Variants in HSD17B4 observed in about 807,000 individuals in gnomAD.
HSD17B4 encodes hydroxysteroid 17-beta dehydrogenase 4.
In HSD17B4, 70 loss-of-function variants were observed where a neutral mutation model predicts 101.0. The ratio of observed to expected loss-of-function variants is 0.69; its 90% CI spans 0.57 to 0.85. The LOEUF is 0.85. Among genes scored for constraint, HSD17B4 ranks in the 40% least tolerant of loss-of-function variants. The pLI is 0.00. For missense variants in HSD17B4, 984 were observed against 892.4 expected (o/e 1.10, Z -1.31); for synonymous variants, 347 against 297.1 (o/e 1.17, Z -1.73).
intron 6 of HSD17B4, chr5:119,476,635 A>C (rs1160513933): frequency 1.0e-6 from 1 of 985,076 alleles, no homozygotes; most frequent in Non-Finnish European, 1.2e-6. Flanking sequence ...CCTTGTAACA[A>C]CTGGGGTAAA....
intron 9 of HSD17B4, among the ~76,000 whole-genome samples, chr5:119,490,511 A>G (rs1359984916): frequency 1.3e-5 from 2 of 152,178 alleles, no homozygotes; most frequent in Non-Finnish European, 2.9e-5. Context: ...GAGAACTAGT[A>G]TGAATATTTT....
intron 2 of HSD17B4, among the ~76,000 whole-genome samples, chr5:119,463,480 T>C (rs1210975478): frequency 1.3e-5 from 2 of 151,694 alleles, no homozygotes; most frequent in African/African-American, 2.4e-5. Flanking sequence ...ACCAATAATA[T>C]ATGAGAGTTT....
chr5:119,512,833 A>T (rs567251727), intron 16 of HSD17B4, among the ~76,000 whole-genome samples: 2 of 152,316 alleles, frequency 1.3e-5, no homozygotes, highest in East Asian at 3.9e-4. Context: ...GAGAAAGGAG[A>T]CAAGGGAGAG....
intron 23 of HSD17B4, among the ~76,000 whole-genome samples, chr5:119,537,138 A>T (rs553930361): frequency 1.0e-3 from 159 of 152,252 alleles, no homozygotes; most frequent in Admixed American, 1.5e-3. Flanking sequence ...TAACTTATTG[A>T]TTCTTAGAAT....
At chr5:119,468,616 C>T (rs555949586) in intron 2 of HSD17B4, among the ~76,000 whole-genome samples, 1 of 152,070 alleles carries the variant, frequency 6.6e-6, no homozygotes, top group East Asian at 1.9e-4. Context: ...GGGTTGAATC[C>T]ATTTGAAGAC....
intron 17 of HSD17B4, among the ~76,000 whole-genome samples, chr5:119,521,952 T>A (rs900098709): frequency 6.6e-6 from 1 of 151,812 alleles, no homozygotes; most frequent in African/African-American, 2.4e-5. Context: ...GTATTTTTAT[T>A]ATACTTTAAG....
In HSD17B4 at chr5:119,509,404, T is replaced by TTCC. The variant is rs748470115; in HGVS notation, c.1437+169_1437+171dup. On this transcript the variant is annotated intron_variant, in intron 16 of 23. Coordinates refer to ENST00000510025, the MANE Select transcript of HSD17B4 (RefSeq NM_000414.4). Reference sequence around the variant, plus strand: ...GGGACACCAAGACCAGTCCCTCTTCTTCCTCCTCCTCTTCCTCCTCCTCAG... The same window carrying TTCC: ...GGGACACCAAGACCAGTCCCTCTTCTTCCTCCTCCTCCTCTTCCTCCTCCTCAG... The TTCC allele has an allele frequency of 1.9e-4, 135 of 702,834 alleles. No individual in the cohort carries two copies. The African/African-American group carries it at 2.2e-3, about 11-fold the overall frequency. 43.5% of individuals were successfully genotyped at this position (702,834 alleles called of 1,614,324 possible). A position where few individuals can be genotyped will look rare whatever the true frequency, so the allele number is the denominator to read the frequency against.
intron 23 of HSD17B4, among the ~76,000 whole-genome samples, chr5:119,539,768 A>G (rs1321797375): frequency 6.6e-6 from 1 of 151,966 alleles, no homozygotes; most frequent in South Asian, 2.1e-4. Flanking sequence ...TTGGGATAAG[A>G]TAATTTACAC....
At chr5:119,480,424 A>G (rs1004359231) in intron 8 of HSD17B4, among the ~76,000 whole-genome samples, 9 of 152,258 alleles carry the variant, frequency 5.9e-5, no homozygotes, top group Middle Eastern at 3.4e-3. Context: ...ACACATTGGT[A>G]GGATCTGTGA....
At position 119,477,451 on chromosome 5, in the gene HSD17B4, C is replaced by T. The variant is rs762038186; in HGVS notation, c.384C>T (p.Phe128=). 1 of 1,612,586 alleles carries T rather than the reference C, an allele frequency of 6.2e-7. No homozygotes were observed. Among genetic ancestry groups the T allele is most frequent in the South Asian group, 1.1e-5 (1 of 91,048 alleles). Residue 128 remains phenylalanine (F), a synonymous_variant, in exon 7 of 24, where the codon TTC becomes TTT. Coordinates refer to ENST00000510025, the MANE Select transcript of HSD17B4 (RefSeq NM_000414.4). ...ACAGAGTTCATTTGCGGGGTTCATT[C>T]CAAGTGACACGGGCAGCATGGGAAC... ...IIHRVHLRGS[F]QVTRAAWEHM...
Position 119,515,188 on chromosome 5 carries a change from G to A in HSD17B4, c.1503+142G>A, listed in dbSNP as rs112931876. 180 of 592,804 alleles carry A rather than the reference G, an allele frequency of 3.0e-4. 1 individual carries two copies. The highest frequency in any genetic ancestry group is 2.9e-3 in the African/African-American group (154 of 53,396). The allele number at this position is 592,804 out of a possible 1,614,324, so 36.7% of individuals were successfully genotyped here. On this transcript the variant is annotated intron_variant, in intron 17 of 23. Transcript: ENST00000510025. ...TTCAACATAATAAACATACAGACATGTTTCCTGTGATTGCACGTTATTTTT... is the reference window on the plus strand; with the variant it reads ...TTCAACATAATAAACATACAGACATATTTCCTGTGATTGCACGTTATTTTT...
intron 20 of HSD17B4, among the ~76,000 whole-genome samples, chr5:119,527,736 A>T (rs1305994806): frequency 1.3e-5 from 2 of 152,172 alleles, no homozygotes; most frequent in Admixed American, 6.6e-5. Context: ...AGTTAGAGAC[A>T]AAATTAGTTA....
chr5:119,523,611 T>C (rs1037324801), intron 17 of HSD17B4, among the ~76,000 whole-genome samples: 1 of 152,146 alleles, frequency 6.6e-6, no homozygotes, highest in Non-Finnish European at 1.5e-5. Flanking sequence ...ATGTGAGATA[T>C]TTCATATTAA....
chr5:119,525,256 AC>A lies in HSD17B4; in HGVS notation c.1545del (p.His515GlnfsTer9). On this transcript the variant is annotated frameshift_variant, in exon 18 of 24. Coordinates refer to ENST00000510025, the MANE Select transcript of HSD17B4 (RefSeq NM_000414.4). LOFTEE classifies it high-confidence loss of function. Reference sequence around the variant, plus strand: ...CTCAGTGGAGACTGGAATCCCTTACACATTGATCCTAACTTTGCTAGTCTAG... The same window carrying A: ...CTCAGTGGAGACTGGAATCCCTTACAATTGATCCTAACTTTGCTAGTCTAG... ...YRLSGDWNPLHIDPNFASLAG... is the reference protein window; with the variant it reads ...YRLSGDWNPLXIDPNFASLAG... 1 of 1,612,236 alleles carries A rather than the reference AC, an allele frequency of 6.2e-7. No homozygotes were observed. Among genetic ancestry groups the A allele is most frequent in the South Asian group, 1.1e-5 (1 of 91,060 alleles).
intron 22 of HSD17B4, among the ~76,000 whole-genome samples, chr5:119,535,526 G>T (rs1322723683): frequency 6.6e-6 from 1 of 151,544 alleles, no homozygotes; most frequent in Non-Finnish European, 1.5e-5. Flanking sequence ...TTTGTTTTTA[G>T]TTGATGCTTT....
At chr5:119,483,994 G>C (rs1473273876) in intron 8 of HSD17B4, among the ~76,000 whole-genome samples, 1 of 152,060 alleles carries the variant, frequency 6.6e-6, no homozygotes, top group Non-Finnish European at 1.5e-5. Context: ...AGACATTTTT[G>C]TTGTTATAGC....
intron 3 of HSD17B4, 36 bp downstream of exon 3, chr5:119,474,051 C>A: frequency 9.6e-7 from 1 of 1,038,300 alleles, no homozygotes; most frequent in Non-Finnish European, 1.5e-6. Flanking sequence ...ATTTATTTTC[C>A]TTCAACTAAT....
intron 14 of HSD17B4, among the ~76,000 whole-genome samples, chr5:119,504,854 G>C (rs865813920): frequency 1.3e-5 from 2 of 152,252 alleles, no homozygotes; most frequent in African/African-American, 4.8e-5. Context: ...TATTTCCTAT[G>C]TTTTATTCTA....
At chr5:119,471,763 G>T in intron 2 of HSD17B4, 1 of 801,852 alleles carries the variant, frequency 1.2e-6, no homozygotes, top group Non-Finnish European at 1.9e-6. Flanking sequence ...CTTTTTATTA[G>T]TTTTTGCATG....
Sources: gnomAD v4.1 joint callset for allele counts (sites outside exome capture counted in the v4.1 genomes callset) on GRCh38, gnomAD v4.1.1 for gene constraint, MANE v1.5 for transcripts, NCBI Gene and HGNC (gene_info 2026-07-23, HGNC 2026-07-21) for gene names.